ROBO1: variants seen among roughly 807,000 people sequenced by gnomAD.
The protein encoded by ROBO1 is roundabout homolog 1.
In ROBO1, 149 loss-of-function variants were observed where a neutral mutation model predicts 195.9. The ratio of observed to expected loss-of-function variants is 0.76; its 90% CI spans 0.67 to 0.87. ROBO1 has a LOEUF of 0.87. Ranked by LOEUF, ROBO1 falls within the 40% of genes least tolerant of loss-of-function variation. ROBO1 has a pLI of 0.00. For missense variants in ROBO1, 1,933 were observed against 2,068.3 expected (o/e 0.93, Z 1.27); for synonymous variants, 816 against 733.2 (o/e 1.11, Z -1.82).
At chr3:79,025,899 C>T (rs199806936) in intron 3 of ROBO1, among the ~76,000 whole-genome samples, 24 of 152,058 alleles carry the variant, frequency 1.6e-4, no homozygotes, top group East Asian at 7.7e-4. Context: ...GTGGTTGACT[C>T]GTGACTGGAA....
chr3:78,609,321 G>C (rs1239021003), intron 28 of ROBO1, among the ~76,000 whole-genome samples: 4 of 152,126 alleles, frequency 2.6e-5, no homozygotes, highest in African/African-American at 9.7e-5. Context: ...GGGCTTGAAT[G>C]GTTTTCTATA....
intron 4 of ROBO1, among the ~76,000 whole-genome samples, chr3:78,853,635 G>T (rs1045848266): frequency 6.6e-6 from 1 of 151,862 alleles, no homozygotes; most frequent in Non-Finnish European, 1.5e-5. Context: ...TTTGAGTAAG[G>T]CAAATTACCC....
At chr3:79,028,776 TAATTG>T (rs1231019603) in intron 3 of ROBO1, among the ~76,000 whole-genome samples, 1 of 152,034 alleles carries the variant, frequency 6.6e-6, no homozygotes, top group Non-Finnish European at 1.5e-5. Flanking sequence ...CCTTTGTATT[TAATTG>T]AATTATTATA....
chr3:78,850,288 G>A (rs946788306), intron 4 of ROBO1, among the ~76,000 whole-genome samples: 18 of 152,242 alleles, frequency 1.2e-4, no homozygotes, highest in South Asian at 1.0e-3. Context: ...GTGTTAATAA[G>A]CTTTATTTCA....
rs963624881 is a variant in ROBO1, at chr3:78,717,529, C to A, written c.779-116G>T. The A allele has an allele frequency of 4.1e-6, 4 of 979,672 alleles. No homozygotes were observed. In the East Asian group the frequency reaches 1.0e-4, roughly 25 times the overall value. 60.7% of individuals were successfully genotyped at this position (979,672 alleles called of 1,614,324 possible). A position where few individuals can be genotyped will look rare whatever the true frequency, so the allele number is the denominator to read the frequency against. On this transcript the variant is annotated intron_variant, in intron 6 of 30. Transcript: ENST00000464233. ...TTAAAATATCAGCGAGGAAATTATT[C>A]CACAGAGTCCCCTCATTCTAGAAGC...
At chr3:78,607,543 T>C (rs1305445816) in intron 28 of ROBO1, among the ~76,000 whole-genome samples, 2 of 152,200 alleles carry the variant, frequency 1.3e-5, no homozygotes, top group African/African-American at 4.8e-5. Context: ...ACTCTTGTTA[T>C]CTAGCACAGA....
intron 4 of ROBO1, among the ~76,000 whole-genome samples, chr3:78,912,968 G>A (rs1343482740): frequency 6.6e-6 from 1 of 152,052 alleles, no homozygotes; most frequent in South Asian, 2.1e-4. Flanking sequence ...CAATTATATT[G>A]TTGAATGCAC....
intron 2 of ROBO1, among the ~76,000 whole-genome samples, chr3:79,400,733 C>T (rs2037339585): frequency 6.6e-6 from 1 of 151,744 alleles, no homozygotes; most frequent in African/African-American, 2.4e-5. Flanking sequence ...TATAAAGGCT[C>T]TATTTGTTCT....
chr3:78,863,318 A>G (rs1019174636), intron 4 of ROBO1, among the ~76,000 whole-genome samples: 5 of 152,188 alleles, frequency 3.3e-5, no homozygotes, highest in Admixed American at 2.6e-4. Context: ...TGAGCCTATG[A>G]CATCCACTGA....
intron 4 of ROBO1, among the ~76,000 whole-genome samples, chr3:78,823,692 A>C (rs963721484): frequency 6.6e-6 from 1 of 152,140 alleles, no homozygotes; most frequent in Admixed American, 6.6e-5. Flanking sequence ...CTAAGCTTTT[A>C]AACATTACCT....
chr3:78,678,231 C>A (rs1415201607), intron 10 of ROBO1, among the ~76,000 whole-genome samples: 8 of 150,122 alleles, frequency 5.3e-5, no homozygotes, highest in African/African-American at 2.0e-4. Flanking sequence ...AGGAAAGATC[C>A]AAAATTGACA....
intron 2 of ROBO1, among the ~76,000 whole-genome samples, chr3:79,228,843 A>G (rs1437716709): frequency 6.6e-6 from 1 of 152,154 alleles, no homozygotes; most frequent in Non-Finnish European, 1.5e-5. Flanking sequence ...CATATATTAG[A>G]CTAATTGCTA....
At chr3:79,560,628 C>T (rs1942883325) in intron 2 of ROBO1, among the ~76,000 whole-genome samples, 1 of 149,066 alleles carries the variant, frequency 6.7e-6, no homozygotes, top group Non-Finnish European at 1.5e-5. Context: ...GTCAATTAGT[C>T]ATCCGAGACC....
chr3:79,602,933 C>T (rs1054675853), intron 1 of ROBO1, among the ~76,000 whole-genome samples: 1 of 151,858 alleles, frequency 6.6e-6, no homozygotes, highest in African/African-American at 2.4e-5. Context: ...GATCTTGGCT[C>T]AACTCTTTTA....
At chr3:78,985,596 C>T (rs926170775) in intron 3 of ROBO1, among the ~76,000 whole-genome samples, 1 of 152,092 alleles carries the variant, frequency 6.6e-6, no homozygotes, top group South Asian at 2.1e-4. Flanking sequence ...CCACATCATT[C>T]TTCATTACGA....
At chr3:78,685,481 T>C (rs1337477694) in intron 10 of ROBO1, among the ~76,000 whole-genome samples, 1 of 152,188 alleles carries the variant, frequency 6.6e-6, no homozygotes, top group Admixed American at 6.5e-5. Context: ...AAAACATAGA[T>C]ACAGTCCTAT....
At chr3:78,715,160 C>G (rs1325614387) in intron 7 of ROBO1, 1 of 152,174 alleles carries the variant, frequency 6.6e-6, no homozygotes, top group Non-Finnish European at 1.5e-5. Context: ...ATCTACCACA[C>G]AAACATTTCC....
At chr3:79,176,038 T>TG (rs1222262887) in intron 2 of ROBO1, among the ~76,000 whole-genome samples, 3 of 151,996 alleles carry the variant, frequency 2.0e-5, no homozygotes, top group Non-Finnish European at 4.4e-5. Flanking sequence ...ACCCTGGGGG[T>TG]GGGGCCAATC....
chr3:79,140,491 A>G (rs1436278741), intron 2 of ROBO1, among the ~76,000 whole-genome samples: 3 of 152,122 alleles, frequency 2.0e-5, no homozygotes, highest in Non-Finnish European at 2.9e-5. Context: ...AATACTATCT[A>G]TTTCACAGGA....
Sources: gnomAD v4.1 joint callset for allele counts (sites outside exome capture counted in the v4.1 genomes callset) on GRCh38, gnomAD v4.1.1 for gene constraint, MANE v1.5 for transcripts, NCBI Gene and HGNC (gene_info 2026-07-23, HGNC 2026-07-21) for gene names.